DNTT: variants seen among roughly 807,000 people sequenced by gnomAD.
DNTT encodes the protein DNA nucleotidylexotransferase.
A neutral mutation model predicts 60.9 loss-of-function variants in DNTT; 47 were observed. The ratio of observed to expected loss-of-function variants is 0.77; its 90% CI spans 0.61 to 0.98. The LOEUF (loss-of-function observed/expected upper bound fraction) is 0.98, where lower values mean the gene tolerates loss of function less well. DNTT is among the 50% of genes least tolerant of loss of function. The pLI, the probability that DNTT is intolerant of heterozygous loss-of-function variation, is 0.00. For synonymous variants in DNTT, 224 were observed against 221.2 expected (o/e 1.01, Z -0.11); for missense variants, 665 against 627.5 (o/e 1.06, Z -0.64).
At chr10:96,326,826 C>T (rs1844943054) in intron 6 of DNTT, among the ~76,000 whole-genome samples, 1 of 152,196 alleles carries the variant, frequency 6.6e-6, no homozygotes, top group Admixed American at 6.5e-5. Flanking sequence ...CCAGGCTCAT[C>T]TCCTCACCAA....
chr10:96,332,776 T>C (rs1436573512), intron 9 of DNTT, among the ~76,000 whole-genome samples, 180 bp downstream of exon 9: 1 of 152,104 alleles, frequency 6.6e-6, no homozygotes, highest in Non-Finnish European at 1.5e-5. Flanking sequence ...ACAGATTAAT[T>C]TAGAACAGTT....
intron 1 of DNTT, among the ~76,000 whole-genome samples, chr10:96,307,777 A>ATATATATATATAT (rs768634575): frequency 1.6e-5 from 2 of 126,020 alleles, no homozygotes; most frequent in African/African-American, 6.2e-5. Flanking sequence ...ATATATATAT[A>ATATATATATATAT]TTTTTTTTTT....
chr10:96,311,339 A>G (rs551404395), intron 1 of DNTT, among the ~76,000 whole-genome samples: 1 of 152,358 alleles, frequency 6.6e-6, no homozygotes. Flanking sequence ...GTGACCATCC[A>G]TGAGGATCCA....
chr10:96,325,149 T>G (rs1844925148), intron 6 of DNTT, among the ~76,000 whole-genome samples: 1 of 152,126 alleles, frequency 6.6e-6, no homozygotes, highest in Non-Finnish European at 1.5e-5. Flanking sequence ...ACTGTGTGTT[T>G]AAAAAAATGT....
chr10:96,334,856 T>C (rs1328528054), intron 9 of DNTT, among the ~76,000 whole-genome samples: 2 of 152,222 alleles, frequency 1.3e-5, no homozygotes, highest in African/African-American at 2.4e-5. Flanking sequence ...GCTGAAGTGG[T>C]TGACATTTGC....
intron 10 of DNTT, among the ~76,000 whole-genome samples, chr10:96,337,186 A>G (rs1157865369): frequency 6.6e-6 from 1 of 152,102 alleles, no homozygotes; most frequent in Non-Finnish European, 1.5e-5. Context: ...CATAAGTCCC[A>G]CTCTTCCAGC....
intron 9 of DNTT, among the ~76,000 whole-genome samples, chr10:96,333,009 ACAAT>A (rs1450315685): frequency 6.6e-6 from 1 of 152,214 alleles, no homozygotes; most frequent in Non-Finnish European, 1.5e-5. Context: ...GAAATAGGAA[ACAAT>A]TAATAAAGTG....
At chr10:96,315,698 G>T (rs1454177099) in intron 1 of DNTT, among the ~76,000 whole-genome samples, 2 of 150,902 alleles carry the variant, frequency 1.3e-5, no homozygotes, top group Non-Finnish European at 2.9e-5. Context: ...TCCCTCTCAG[G>T]GTTAGGTAAA....
chr10:96,333,396 T>C (rs1057367701), intron 9 of DNTT, among the ~76,000 whole-genome samples: 5 of 152,096 alleles, frequency 3.3e-5, no homozygotes, highest in Admixed American at 2.0e-4. Flanking sequence ...TTTTGGAAAA[T>C]AGTATGGAAG....
intron 6 of DNTT, among the ~76,000 whole-genome samples, chr10:96,324,975 T>C (rs1474064408): frequency 6.6e-6 from 1 of 152,134 alleles, no homozygotes; most frequent in African/African-American, 2.4e-5. Flanking sequence ...CAACCAGGAC[T>C]CTTTCGCCTA....
At chr10:96,331,026 G>A (rs972066510) in intron 8 of DNTT, among the ~76,000 whole-genome samples, 3 of 152,090 alleles carry the variant, frequency 2.0e-5, no homozygotes, top group Admixed American at 6.5e-5. Context: ...CATCTGCCCT[G>A]TGCCATCAGG....
chr10:96,330,789 A>G (rs1446162623), intron 8 of DNTT, among the ~76,000 whole-genome samples: 1 of 152,150 alleles, frequency 6.6e-6, no homozygotes, highest in East Asian at 1.9e-4. Context: ...CCTGTCAGAA[A>G]TGCCCTCCCT....
At chr10:96,305,493 C>T (rs908030448) in intron 1 of DNTT, among the ~76,000 whole-genome samples, 1 of 152,156 alleles carries the variant, frequency 6.6e-6, no homozygotes, top group African/African-American at 2.4e-5. Context: ...AATCCAGAAA[C>T]AAATGGTATT....
intron 1 of DNTT, among the ~76,000 whole-genome samples, chr10:96,311,793 G>GCCACCA: frequency 6.6e-6 from 1 of 152,270 alleles, no homozygotes; most frequent in South Asian, 2.1e-4. Flanking sequence ...ACAGGCACGT[G>GCCACCA]CCACCACACC....
chr10:96,317,263 A>T (rs895147749), intron 1 of DNTT, among the ~76,000 whole-genome samples: 1 of 152,178 alleles, frequency 6.6e-6, no homozygotes, highest in African/African-American at 2.4e-5. Flanking sequence ...ATGTCACTTG[A>T]CCTCTCTGTT....
chr10:96,319,918 A>AT (rs1302376673), intron 3 of DNTT, among the ~76,000 whole-genome samples: 1 of 152,164 alleles, frequency 6.6e-6, no homozygotes, highest in Non-Finnish European at 1.5e-5. Context: ...CAGCCCTCAG[A>AT]TTGGTAATTG....
intron 3 of DNTT, among the ~76,000 whole-genome samples, chr10:96,320,143 A>G (rs1265375583): frequency 6.6e-6 from 1 of 152,214 alleles, no homozygotes; most frequent in Non-Finnish European, 1.5e-5. Context: ...TGCTAGAAAT[A>G]CAAACGTGCC....
intron 7 of DNTT, 87 bp downstream of exon 7, chr10:96,327,687 G>A: frequency 6.6e-7 from 1 of 1,523,716 alleles, no homozygotes; most frequent in Non-Finnish European, 8.8e-7. Flanking sequence ...GGCACAAAAG[G>A]CTGTGATCTG....
chr10:96,306,627 TAA>T (rs1362431788), intron 1 of DNTT: 1 of 152,006 alleles, frequency 6.6e-6, no homozygotes, highest in Non-Finnish European at 1.5e-5. Flanking sequence ...TGATGGGAGG[TAA>T]GTTTCTTCTG....
Sources: gnomAD v4.1 joint callset for allele counts (sites outside exome capture counted in the v4.1 genomes callset) on GRCh38, gnomAD v4.1.1 for gene constraint, MANE v1.5 for transcripts, NCBI Gene and HGNC (gene_info 2026-07-23, HGNC 2026-07-21) for gene names.